Variants in MEIS1 observed in about 807,000 individuals in gnomAD.
MEIS1 encodes the protein homeobox protein Meis1.
In MEIS1, 5 loss-of-function variants were observed where a neutral mutation model predicts 50.8. The observed-to-expected ratio is 0.10, with a 90% CI of 0.05 to 0.21. MEIS1 has a LOEUF of 0.21. MEIS1 is among the 10% of genes least tolerant of loss of function. The pLI is 1.00. For missense variants in MEIS1, 318 were observed against 517.3 expected (o/e 0.61, Z 3.74); for synonymous variants, 176 against 179.3 (o/e 0.98, Z 0.15).
At chr2:66,469,404 A>G (rs1573153469) in intron 7 of MEIS1, among the ~76,000 whole-genome samples, 1 of 152,028 alleles carries the variant, frequency 6.6e-6, no homozygotes, top group Non-Finnish European at 1.5e-5. Context: ...GTTGTTCCAG[A>G]CCTGTGAAGC....
chr2:66,495,080 C>CTTTTTTTTTTTTTTTTTT lies in MEIS1; in HGVS notation c.743-17058_743-17041dup, dbSNP rs70943701. ...GAATGCCCACTTTCCCTCTTCTGAC[C>CTTTTTTTTTTTTTTTTTT]TTTTTTTTTTTTTTTTTTTTTTTTT... On this transcript the variant is annotated intron_variant, in intron 7 of 12. Coordinates refer to ENST00000272369, the MANE Select transcript of MEIS1 (RefSeq NM_002398.3). 2.2e-5 allele frequency among the ~76,000 whole-genome samples: 2 copies of CTTTTTTTTTTTTTTTTTT among 91,492 alleles called. 1 individual carries two copies. The allele number at this position is 91,492 out of a possible 152,430, so 60.0% of individuals were successfully genotyped here.
rs188362337 is a variant in MEIS1 at position 66,447,170 on chromosome 2, T to C, written c.630+4122T>C. ...AGGGCCAGCGAATATTTACGAATAC[T>C]AGAAATGTCCGCAATTCCTTGTCAT... On this transcript the variant is annotated intron_variant, in intron 6 of 12. Coordinates refer to ENST00000272369, the MANE Select transcript of MEIS1 (RefSeq NM_002398.3). Among the ~76,000 whole-genome samples, 91 of 152,308 alleles carry C rather than the reference T, an allele frequency of 6.0e-4. 1 individual carries two copies. The highest frequency in any genetic ancestry group is 1.5e-3 in the African/African-American group (64 of 41,562).
chr2:66,457,779 C>T (rs773023723), intron 6 of MEIS1, among the ~76,000 whole-genome samples: 9 of 152,314 alleles, frequency 5.9e-5, no homozygotes, highest in African/African-American at 1.4e-4. Flanking sequence ...CACATACATA[C>T]GGACATGGGC....
intron 7 of MEIS1, among the ~76,000 whole-genome samples, chr2:66,468,516 A>G (rs1021522177): frequency 6.6e-6 from 1 of 152,216 alleles, no homozygotes; most frequent in African/African-American, 2.4e-5. Flanking sequence ...TCACTTTTCA[A>G]GTGAGGTCAC....
chr2:66,537,118 C>T (rs986926126), intron 8 of MEIS1, among the ~76,000 whole-genome samples: 2 of 152,120 alleles, frequency 1.3e-5, no homozygotes, highest in African/African-American at 4.8e-5. Flanking sequence ...AATCCACGTC[C>T]CTGTAGATTT....
At chr2:66,504,243 C>CT (rs1326395035) in intron 7 of MEIS1, among the ~76,000 whole-genome samples, 41 of 150,872 alleles carry the variant, frequency 2.7e-4, no homozygotes, top group Non-Finnish European at 4.7e-4. Context: ...CAATTTCTTT[C>CT]TTTTTTTTGA....
intron 6 of MEIS1, among the ~76,000 whole-genome samples, chr2:66,453,992 C>T (rs1232242738): frequency 1.3e-5 from 2 of 151,942 alleles, no homozygotes; most frequent in African/African-American, 2.4e-5. Flanking sequence ...GAACAATATA[C>T]AATTTAGAGC....
At chr2:66,521,540 A>G (rs535966829) in intron 8 of MEIS1, among the ~76,000 whole-genome samples, 3 of 152,344 alleles carry the variant, frequency 2.0e-5, no homozygotes, top group South Asian at 4.1e-4. Flanking sequence ...ACTCTGGGGT[A>G]TGACACCGAG....
chr2:66,447,975 A>G (rs1672191776), intron 6 of MEIS1, among the ~76,000 whole-genome samples: 1 of 152,198 alleles, frequency 6.6e-6, no homozygotes, highest in East Asian at 1.9e-4. Flanking sequence ...AACTAGCTCC[A>G]TGGCAGTAGG....
chr2:66,486,557 C>T (rs2103796879), intron 7 of MEIS1, among the ~76,000 whole-genome samples: 1 of 152,186 alleles, frequency 6.6e-6, no homozygotes. Flanking sequence ...GTTCTTTTTG[C>T]CTAGGATTGT....
At chr2:66,488,544 G>C (rs1480035815) in intron 7 of MEIS1, among the ~76,000 whole-genome samples, 1 of 152,106 alleles carries the variant, frequency 6.6e-6, no homozygotes, top group East Asian at 1.9e-4. Flanking sequence ...CGGGCATGGT[G>C]GTGGGCGCCT....
At chr2:66,513,978 T>C (rs1046097639) in intron 8 of MEIS1, among the ~76,000 whole-genome samples, 7 of 152,348 alleles carry the variant, frequency 4.6e-5, no homozygotes, top group African/African-American at 1.7e-4. Flanking sequence ...GGTACAATGA[T>C]GCTGATGCAA....
intron 2 of MEIS1, among the ~76,000 whole-genome samples, chr2:66,438,239 C>T (rs1671850699): frequency 6.6e-6 from 1 of 152,228 alleles, no homozygotes; most frequent in Non-Finnish European, 1.5e-5. Flanking sequence ...GGCCCTTGTC[C>T]CCTCTCAGAC....
chr2:66,539,588 A>G (rs1041003937), intron 8 of MEIS1, among the ~76,000 whole-genome samples: 1 of 152,184 alleles, frequency 6.6e-6, no homozygotes, highest in Admixed American at 6.5e-5. Context: ...AAGTTTCGTC[A>G]TCTATCAAAT....
chr2:66,567,629 A>G, intron 10 of MEIS1, 118 bp downstream of exon 10: 1 of 865,830 alleles, frequency 1.2e-6, no homozygotes, highest in East Asian at 2.6e-5. Flanking sequence ...AACGCCTGGC[A>G]ATTAAAATTA....
intron 6 of MEIS1, among the ~76,000 whole-genome samples, chr2:66,453,356 A>G (rs1044173032): frequency 6.6e-6 from 1 of 151,986 alleles, no homozygotes; most frequent in Non-Finnish European, 1.5e-5. Context: ...ATTCTGATTA[A>G]CTGGAATTCC....
chr2:66,511,887 CA>C (rs1380166782), intron 7 of MEIS1, among the ~76,000 whole-genome samples: 11 of 152,142 alleles, frequency 7.2e-5, no homozygotes, highest in Admixed American at 6.5e-4. Flanking sequence ...AACAAAGCCA[CA>C]AGGGGATTGG....
chr2:66,479,665 A>G (rs1400216333), intron 7 of MEIS1, among the ~76,000 whole-genome samples: 2 of 152,216 alleles, frequency 1.3e-5, no homozygotes, highest in Admixed American at 6.5e-5. Flanking sequence ...ATTGGTTAAT[A>G]TGATCTCACT....
chr2:66,569,163 C>T lies in MEIS1; in HGVS notation c.*37+18C>T. On this transcript the variant is annotated intron_variant, in intron 12 of 12. Coordinates refer to ENST00000272369, the MANE Select transcript of MEIS1 (RefSeq NM_002398.3). ...AGGGGGAAGTAAGTACAAATGGGGT[C>T]TTTGTTTTCACTTTGTCCTAGGAAT... The T allele has an allele frequency of 6.3e-7, 1 of 1,586,050 alleles. No homozygotes were observed. Among genetic ancestry groups the T allele is most frequent in the Non-Finnish European group, 8.6e-7 (1 of 1,163,406 alleles).
Sources: gnomAD v4.1 joint callset for allele counts (sites outside exome capture counted in the v4.1 genomes callset) on GRCh38, gnomAD v4.1.1 for gene constraint, MANE v1.5 for transcripts, NCBI Gene and HGNC (gene_info 2026-07-23, HGNC 2026-07-21) for gene names.